KIF15: variants seen among roughly 807,000 people sequenced by gnomAD.
The protein encoded by KIF15 is kinesin-like protein KIF15.
KIF15 carries 140 observed loss-of-function variants against 190.6 expected under a neutral mutation model. The observed-to-expected ratio is 0.73, with a 90% CI of 0.64 to 0.84. The LOEUF (loss-of-function observed/expected upper bound fraction) is 0.84, where lower values mean the gene tolerates loss of function less well. Ranked by LOEUF, KIF15 falls within the 40% of genes least tolerant of loss-of-function variation. KIF15 has a pLI of 0.00. For missense variants in KIF15, 1,372 were observed against 1,584.4 expected, an observed-to-expected ratio of 0.87 and a Z score of 2.28; for synonymous variants, 528 against 551.3, an observed-to-expected ratio of 0.96 and a Z score of 0.59.
chr3:44,860,245 A>C (rs557744510), intron 6 of KIF15, among the ~76,000 whole-genome samples: 3 of 152,330 alleles, frequency 2.0e-5, no homozygotes, highest in South Asian at 4.1e-4. Context: ...TTTCCTGATA[A>C]GAGCTTTCAG....
chr3:44,852,573 C>A, intron 34 of KIF15, 100 bp from the exon 35 acceptor site: 1 of 924,960 alleles, frequency 1.1e-6, no homozygotes, highest in Non-Finnish European at 1.6e-6. Flanking sequence ...AAATTCCAGT[C>A]TTAATTTGAA....
chr3:44,819,082 T>G (rs2125673060), intron 20 of KIF15, among the ~76,000 whole-genome samples: 1 of 152,340 alleles, frequency 6.6e-6, no homozygotes, highest in South Asian at 2.1e-4. Flanking sequence ...GTGGGATAGG[T>G]GGTGATATCC....
At chr3:44,814,776 G>A in intron 19 of KIF15, 135 bp from the exon 20 acceptor site, 2 of 566,588 alleles carry the variant, frequency 3.5e-6, no homozygotes, top group Non-Finnish European at 5.8e-6. Context: ...CTAGGTACCC[G>A]CCACTTAATT....
intron 33 of KIF15, 24 bp downstream of exon 33, chr3:44,851,976 C>T: frequency 6.2e-7 from 1 of 1,601,914 alleles, no homozygotes; most frequent in Non-Finnish European, 8.5e-7. Flanking sequence ...TTGGTGTTTT[C>T]ATGATACTTA....
At chr3:44,859,867 A>C (rs1699221012) in intron 6 of KIF15, among the ~76,000 whole-genome samples, 1 of 152,218 alleles carries the variant, frequency 6.6e-6, no homozygotes, top group Admixed American at 6.5e-5. Flanking sequence ...AGACCTAATG[A>C]GAATCTTCAT....
intron 27 of KIF15, among the ~76,000 whole-genome samples, chr3:44,839,289 T>C (rs1698476505): frequency 1.3e-5 from 2 of 151,438 alleles, no homozygotes; most frequent in Admixed American, 6.6e-5. Flanking sequence ...AGGAGAATGG[T>C]GTGAACCCGG....
At chr3:44,827,653 T>G (rs1697743932) in intron 23 of KIF15, 125 bp downstream of exon 23, 1 of 548,360 alleles carries the variant, frequency 1.8e-6, no homozygotes, top group Non-Finnish European at 3.2e-6. Flanking sequence ...GAAATGGAAT[T>G]TGGGGCTGGT....
At chr3:44,868,002 A>G (rs1345942655) in intron 6 of KIF15, among the ~76,000 whole-genome samples, 3 of 152,116 alleles carry the variant, frequency 2.0e-5, no homozygotes, top group Admixed American at 6.5e-5. Context: ...AAAGTGTGCA[A>G]TTCAGTAGTA....
Position 44,800,297 on chromosome 3 carries a change from A to T in KIF15, c.1099-17A>T, listed in dbSNP as rs762808247. 11 of 1,611,830 alleles carry T rather than the reference A, an allele frequency of 6.8e-6. 1 individual carries two copies. Among genetic ancestry groups the T allele is most frequent in the African/African-American group, 4.0e-5 (3 of 74,706 alleles). Reference sequence around the variant, plus strand: ...AAAAAGCATTATTTTAATGCTTTTTAAAAAATTCCTGAACAGGCAGTAGTA... The same window carrying T: ...AAAAAGCATTATTTTAATGCTTTTTTAAAAATTCCTGAACAGGCAGTAGTA... On this transcript the variant is annotated splice_polypyrimidine_tract_variant and intron_variant, in intron 10 of 34. Transcript: ENST00000326047.
Position 44,812,229 on chromosome 3 carries a change from A to C in KIF15, c.2217A>C (p.Lys739Asn). Reference sequence around the variant, plus strand: ...CCAAACTGGATGAAGAAGAGCATAAAAACCTAAAGCTTCAGCAGCATGTTG... The same window carrying C: ...CCAAACTGGATGAAGAAGAGCATAACAACCTAAAGCTTCAGCAGCATGTTG... ...LQAKLDEEEH[K>N]NLKLQQHVDK... is the part of the protein sequence containing the mutation. The change falls in exon 18 of 35, where the codon AAA becomes AAC. Residue 739 changes from lysine to asparagine, a missense_variant. Transcript: ENST00000326047. 1.2e-6 allele frequency: 2 copies of C among 1,614,148 alleles called. No homozygotes were observed. The highest frequency in any genetic ancestry group is 2.2e-5 in the South Asian group (2 of 91,072).
chr3:44,821,943 G>A (rs529342324), intron 20 of KIF15, among the ~76,000 whole-genome samples: 15 of 152,318 alleles, frequency 9.8e-5, no homozygotes, highest in African/African-American at 1.4e-4. Flanking sequence ...CCAACACAGC[G>A]AAACCCCGTC....
intron 20 of KIF15, among the ~76,000 whole-genome samples, chr3:44,821,312 C>T (rs1575645393): frequency 4.6e-5 from 7 of 151,278 alleles, no homozygotes; most frequent in Admixed American, 6.6e-5. Flanking sequence ...GGGTGACCCC[C>T]ACCTCCTTCC....
rs1699075833 is a variant in KIF15 at position 44,851,952 on chromosome 3, G to A, written c.3972G>A (p.Gln1324=). Residue 1324 remains glutamine (Q), a splice_region_variant and synonymous_variant, in exon 33 of 35, where the codon CAG becomes CAA. Transcript: ENST00000326047. The part of the protein sequence containing the change: ...EMYEERERTS[Q]EMEMLRKQVE... ...ATGAAGAAAGAGAGAGAACATCCCA[G>A]GTGTGCTAGTGTGTTGGTGTTTTCA... The A allele has an allele frequency of 6.2e-7, 1 of 1,612,060 alleles. No homozygotes were observed. The highest frequency in any genetic ancestry group is 8.5e-7 in the Non-Finnish European group (1 of 1,179,178).
chr3:44,859,407 G>A lies in KIF15; in HGVS notation c.*59+6613G>A, dbSNP rs529120980. Among the ~76,000 whole-genome samples, 755 of 152,254 alleles carry A rather than the reference G, an allele frequency of 5.0e-3. 13 individuals are homozygous for A. The highest frequency in any genetic ancestry group is 0.017 in the African/African-American group (694 of 41,528). On this transcript the variant is annotated intron_variant and NMD_transcript_variant, in intron 6 of 6. Coordinates refer to the KIF15 transcript ENST00000422209. ...GGCTTGGGTGCGGTGGCTCATGTCCGTAATCCCAGCACTTTGGGAGGCCAA... is the reference window on the plus strand; with the variant it reads ...GGCTTGGGTGCGGTGGCTCATGTCCATAATCCCAGCACTTTGGGAGGCCAA...
Position 44,858,528 on chromosome 3 carries a change from TG to T in KIF15, c.*59+5741del, listed in dbSNP as rs1219551985. On this transcript the variant is annotated intron_variant and NMD_transcript_variant, in intron 6 of 6. Coordinates refer to the KIF15 transcript ENST00000422209. ...GGTGTCCCATACTTGTGGGTTAAGGTGGGGGGGATACGAGAGGAAGACACAA... is the reference window on the plus strand; with the variant it reads ...GGTGTCCCATACTTGTGGGTTAAGGTGGGGGGATACGAGAGGAAGACACAA... 2.0e-5 allele frequency among the ~76,000 whole-genome samples: 3 copies of T among 150,866 alleles called. No individual in the cohort carries two copies. In the South Asian group the frequency reaches 6.3e-4, roughly 32 times the overall value.
At chr3:44,807,484 A>G (rs1404668650) in intron 16 of KIF15, among the ~76,000 whole-genome samples, 1 of 152,136 alleles carries the variant, frequency 6.6e-6, no homozygotes, top group Non-Finnish European at 1.5e-5. Flanking sequence ...CTCGCCTCCC[A>G]AAGTGCTGGG....
intron 28 of KIF15, among the ~76,000 whole-genome samples, 156 bp downstream of exon 28, chr3:44,840,612 T>TCATCAAG (rs1344735216): frequency 2.0e-5 from 3 of 152,104 alleles, no homozygotes; most frequent in Non-Finnish European, 2.9e-5. Context: ...TAGCAGTCTT[T>TCATCAAG]TATTTCCTTG....
chr3:44,825,521 A>C (rs1400698603), intron 20 of KIF15, among the ~76,000 whole-genome samples: 1 of 152,232 alleles, frequency 6.6e-6, no homozygotes, highest in Non-Finnish European at 1.5e-5. Context: ...GAGGGAAATA[A>C]GAGGATGAAA....
rs747478260 is a variant in KIF15, at chr3:44,829,372, A to ATG, written c.2944-598_2944-597insGT. Among the ~76,000 whole-genome samples, 35 of 134,530 alleles carry ATG rather than the reference A, an allele frequency of 2.6e-4. No individual in the cohort carries two copies. In the East Asian group the frequency reaches 2.8e-3, roughly 11 times the overall value. The allele number at this position is 134,530 out of a possible 152,430, so 88.3% of individuals were successfully genotyped here. On this transcript the variant is annotated intron_variant, in intron 24 of 34. Coordinates refer to ENST00000326047, the MANE Select transcript of KIF15 (RefSeq NM_020242.3). The stretch of plus-strand genomic sequence containing the variant: ...ACTCCATCTCAAAAAATATATATAT[A>ATG]TATGTGTGTGTGTGTGTGTGTGTGT...
Sources: allele counts gnomAD v4.1 joint callset (sites outside exome capture counted in the v4.1 genomes callset), GRCh38; gene constraint gnomAD v4.1.1; transcripts MANE v1.5; gene names NCBI Gene and HGNC (gene_info 2026-07-23, HGNC 2026-07-21).